GLRA3: variants seen among roughly 807,000 people sequenced by gnomAD.
GLRA3 encodes glycine receptor alpha 3.
Under a neutral mutation model 60.4 loss-of-function variants are expected in GLRA3, and 44 were observed. The ratio of observed to expected loss-of-function variants is 0.73; its 90% CI spans 0.57 to 0.94. The LOEUF (loss-of-function observed/expected upper bound fraction) is 0.94, where lower values mean the gene tolerates loss of function less well. Among genes scored for constraint, GLRA3 ranks in the 40% least tolerant of loss-of-function variants. GLRA3 has a pLI of 0.00. For missense variants in GLRA3, 508 were observed against 564.6 expected (o/e 0.90, Z 1.02); for synonymous variants, 223 against 192.9 (o/e 1.16, Z -1.29).
intron 3 of GLRA3, among the ~76,000 whole-genome samples, chr4:174,760,176 C>A (rs566166511): frequency 1.9e-4 from 29 of 152,178 alleles, no homozygotes; most frequent in Non-Finnish European, 3.8e-4. Flanking sequence ...TATTAAGAAG[C>A]ATTTTGCATA....
chr4:174,638,527 C>T lies in GLRA3; in HGVS notation c.*5259G>A, dbSNP rs777306848. 7 of 152,180 alleles carry T rather than the reference C, an allele frequency of 4.6e-5. No homozygotes were observed. The highest frequency in any genetic ancestry group is 7.3e-5 in the Non-Finnish European group (5 of 68,070). 9.4% of individuals were successfully genotyped at this position (152,180 alleles called of 1,614,324 possible). On this transcript the variant is annotated 3_prime_UTR_variant, in exon 10 of 10. Transcript: ENST00000274093. ...CCAGGCTGGTGTCTTAACTCCTGAC[C>T]TCAAGTGATTTGACTGCCTCGGCCT...
At chr4:174,657,268 T>C (rs1733245305) in intron 8 of GLRA3, among the ~76,000 whole-genome samples, 1 of 152,170 alleles carries the variant, frequency 6.6e-6, no homozygotes, top group South Asian at 2.1e-4. Context: ...TCTAATACTT[T>C]TTCTACTGGA....
chr4:174,659,911 G>T (rs908098592), intron 7 of GLRA3, among the ~76,000 whole-genome samples: 9 of 150,602 alleles, frequency 6.0e-5, no homozygotes, highest in Non-Finnish European at 1.0e-4. Flanking sequence ...GGCAGAGGTT[G>T]CAGTGAGCCG....
intron 7 of GLRA3, among the ~76,000 whole-genome samples, chr4:174,670,480 G>A (rs1733863197): frequency 6.6e-6 from 1 of 152,266 alleles, no homozygotes; most frequent in Non-Finnish European, 1.5e-5. Flanking sequence ...CTCAGGGTAC[G>A]ATTCTAGGAT....
At chr4:174,790,916 A>G (rs939606986) in intron 1 of GLRA3, among the ~76,000 whole-genome samples, 1 of 150,322 alleles carries the variant, frequency 6.7e-6, no homozygotes, top group Non-Finnish European at 1.5e-5. Context: ...AGGCAGGAGA[A>G]TGGCGTGAAC....
intron 9 of GLRA3, among the ~76,000 whole-genome samples, chr4:174,651,384 T>C (rs373588307): frequency 1.3e-5 from 2 of 152,180 alleles, no homozygotes; most frequent in Non-Finnish European, 2.9e-5. Context: ...AAAATATTTA[T>C]TATACTACCT....
chr4:174,709,115 C>G (rs1486532445), intron 5 of GLRA3, among the ~76,000 whole-genome samples: 2 of 151,852 alleles, frequency 1.3e-5, no homozygotes, highest in African/African-American at 4.8e-5. Context: ...TTGAAAATTA[C>G]CTCATGTTGC....
chr4:174,675,623 A>T (rs2110948443), intron 7 of GLRA3, among the ~76,000 whole-genome samples: 1 of 152,304 alleles, frequency 6.6e-6, no homozygotes, highest in East Asian at 1.9e-4. Context: ...TGCAACGTTT[A>T]TCCTTACGTA....
chr4:174,742,635 T>C (rs1355605476), intron 3 of GLRA3, among the ~76,000 whole-genome samples: 2 of 152,146 alleles, frequency 1.3e-5, no homozygotes, highest in Non-Finnish European at 2.9e-5. Flanking sequence ...AGAAGATAGA[T>C]GGAAATTCAG....
In GLRA3 at chr4:174,797,927, A is replaced by G. The variant is rs545292026; in HGVS notation, c.72-8984T>C. 7.9e-5 allele frequency among the ~76,000 whole-genome samples: 12 copies of G among 152,238 alleles called. No individual in the cohort carries two copies. The South Asian group carries it at 2.3e-3, about 29-fold the overall frequency. Reference sequence around the variant, plus strand: ...CAACAGAGTGAGACCCTATCTCAAAAAAAAAAAAAATGATAGGGGAGTAAA... The same window carrying G: ...CAACAGAGTGAGACCCTATCTCAAAGAAAAAAAAAATGATAGGGGAGTAAA... On this transcript the variant is annotated intron_variant, in intron 1 of 9. Transcript: ENST00000274093.
chr4:174,676,728 T>C (rs911390029), intron 7 of GLRA3, among the ~76,000 whole-genome samples: 3 of 152,142 alleles, frequency 2.0e-5, no homozygotes, highest in Non-Finnish European at 4.4e-5. Flanking sequence ...AATGGAGTAC[T>C]ATGCCACCAT....
At chr4:174,646,171 C>T (rs1406483404) in intron 9 of GLRA3, among the ~76,000 whole-genome samples, 1 of 152,166 alleles carries the variant, frequency 6.6e-6, no homozygotes, top group Non-Finnish European at 1.5e-5. Context: ...GCTCAGATAT[C>T]AGGATTCTAG....
At chr4:174,735,440 T>C (rs1480734343) in intron 3 of GLRA3, among the ~76,000 whole-genome samples, 2 of 152,232 alleles carry the variant, frequency 1.3e-5, no homozygotes, top group Admixed American at 6.5e-5. Context: ...ACAAATCCAC[T>C]CATTCCAACA....
At chr4:174,711,621 G>T (rs1735722810) in intron 5 of GLRA3, among the ~76,000 whole-genome samples, 1 of 151,820 alleles carries the variant, frequency 6.6e-6, no homozygotes, top group Admixed American at 6.6e-5. Flanking sequence ...TGTATTTTTA[G>T]TAGAGATGGG....
chr4:174,716,938 C>T (rs150453568), intron 4 of GLRA3, among the ~76,000 whole-genome samples: 28 of 152,138 alleles, frequency 1.8e-4, no homozygotes, highest in Admixed American at 1.4e-3. Flanking sequence ...TGGTGTCTTA[C>T]GCCTGTAATT....
At chr4:174,788,789 A>C in intron 2 of GLRA3, 27 bp downstream of exon 2, 1 of 1,533,750 alleles carries the variant, frequency 6.5e-7, no homozygotes, top group African/African-American at 1.4e-5. Flanking sequence ...TAAAACACAC[A>C]TATAAAGTAG....
intron 9 of GLRA3, 128 bp downstream of exon 9, chr4:174,656,615 T>TA (rs1733217007): frequency 1.9e-6 from 1 of 525,594 alleles, no homozygotes; most frequent in South Asian, 3.3e-5. Flanking sequence ...GGGATGATAT[T>TA]TGCTCAGCTT....
rs554190126 is a variant in GLRA3 at position 174,642,187 on chromosome 4, G to C, written c.*1599C>G. On this transcript the variant is annotated 3_prime_UTR_variant, in exon 10 of 10. Transcript: ENST00000274093. The stretch of plus-strand genomic sequence containing the variant: ...AATGTTATTTTAAAAAATTACAATT[G>C]TATAAGCTGATGTACAATAACATTG... 28 of 852,528 alleles carry C rather than the reference G, an allele frequency of 3.3e-5. No homozygotes were observed. In the African/African-American group the frequency reaches 4.9e-4, roughly 15 times the overall value. 52.8% of individuals were successfully genotyped at this position (852,528 alleles called of 1,614,324 possible). A position where few individuals can be genotyped will look rare whatever the true frequency, so the allele number is the denominator to read the frequency against.
chr4:174,656,071 A>C (rs900756016), intron 9 of GLRA3, among the ~76,000 whole-genome samples: 3 of 152,078 alleles, frequency 2.0e-5, no homozygotes, highest in Non-Finnish European at 2.9e-5. Context: ...ATTTCTGTTT[A>C]ATTATTGCAT....
Sources: gnomAD v4.1 joint callset for allele counts (sites outside exome capture counted in the v4.1 genomes callset) on GRCh38, gnomAD v4.1.1 for gene constraint, MANE v1.5 for transcripts, NCBI Gene and HGNC (gene_info 2026-07-23, HGNC 2026-07-21) for gene names.